Variants in SLC28A3 observed in about 807,000 individuals in gnomAD.
The protein encoded by SLC28A3 is concentrative Na(+)-nucleoside cotransporter 3.
Under a neutral mutation model 84.2 loss-of-function variants are expected in SLC28A3, and 68 were observed. The ratio of observed to expected loss-of-function variants is 0.81; its 90% CI spans 0.66 to 0.99. The LOEUF (loss-of-function observed/expected upper bound fraction) is 0.99. SLC28A3 is among the 50% of genes least tolerant of loss of function. The pLI, the probability that SLC28A3 is intolerant of heterozygous loss-of-function variation, is 0.00. For missense variants in SLC28A3, 712 were observed against 841.5 expected, an observed-to-expected ratio of 0.85 and a Z score of 1.90; for synonymous variants, 267 against 303.6, an observed-to-expected ratio of 0.88 and a Z score of 1.25.
intron 1 of SLC28A3, among the ~76,000 whole-genome samples, chr9:84,322,632 G>A (rs1032814713): frequency 6.6e-6 from 1 of 152,028 alleles, no homozygotes; most frequent in Non-Finnish European, 1.5e-5. Flanking sequence ...ATCATTTGAG[G>A]TCAGGAGTCC....
upstream of SLC28A3, chr9:84,340,784 A>C: frequency 1.6e-6 from 1 of 642,704 alleles, no homozygotes; most frequent in Non-Finnish European, 2.6e-6. Flanking sequence ...AATCTCCTGA[A>C]TGACTAGGGC....
chr9:84,299,530 C>T (rs1427243348), intron 6 of SLC28A3, 51 bp downstream of exon 6: 2 of 1,605,400 alleles, frequency 1.2e-6, no homozygotes, highest in Non-Finnish European at 1.7e-6. Context: ...GAGCAATTTA[C>T]ACATGGGGAG....
At chr9:84,315,413 A>C (rs964232077) in intron 1 of SLC28A3, among the ~76,000 whole-genome samples, 3 of 152,120 alleles carry the variant, frequency 2.0e-5, no homozygotes, top group African/African-American at 7.2e-5. Flanking sequence ...GACATTTTCT[A>C]ATTCTATTAG....
chr9:84,365,806 T>A, the SLC28A3 span, among the ~76,000 whole-genome samples: 1 of 152,224 alleles, frequency 6.6e-6, no homozygotes, highest in African/African-American at 2.4e-5. Flanking sequence ...ATCCCAGTAC[T>A]ATGGGAGGCT....
chr9:84,290,429 C>G, intron 10 of SLC28A3, 150 bp from the exon 11 acceptor site: 1 of 939,138 alleles, frequency 1.1e-6, no homozygotes, highest in Non-Finnish European at 1.5e-6. Flanking sequence ...CCTGGAAACT[C>G]GTTAGAAATG....
chr9:84,345,324 G>C (rs544426405), upstream of SLC28A3, among the ~76,000 whole-genome samples: 3 of 152,044 alleles, frequency 2.0e-5, no homozygotes, highest in Admixed American at 2.0e-4. Flanking sequence ...TTGAGAAATC[G>C]TTAGTTGGAA....
chr9:84,280,719 G>C, intron 15 of SLC28A3, 82 bp downstream of exon 15: 1 of 1,397,634 alleles, frequency 7.2e-7, no homozygotes, highest in Non-Finnish European at 1.0e-6. Flanking sequence ...TGTTTTTTCT[G>C]ACATAACAGT....
At chr9:84,362,257 T>C in the SLC28A3 span, among the ~76,000 whole-genome samples, 1 of 152,140 alleles carries the variant, frequency 6.6e-6, no homozygotes, top group Non-Finnish European at 1.5e-5. Context: ...GCTTCATCTG[T>C]TAATATTGAG....
rs758115535 is a variant in SLC28A3 at position 84,279,386 on chromosome 9, C to T, written c.1829-1G>A. Reference sequence around the variant, plus strand: ...TCCACAGGAGTGCTGGAGAGTATGCCTAGAAGTGGAACAGAGTCCCATTTA... The same window carrying T: ...TCCACAGGAGTGCTGGAGAGTATGCTTAGAAGTGGAACAGAGTCCCATTTA... On this transcript the variant is annotated splice_acceptor_variant, in intron 16 of 17. Transcript: ENST00000376238. LOFTEE classifies it high-confidence loss of function. The T allele has an allele frequency of 3.9e-6, 6 of 1,544,390 alleles. No homozygotes were observed. The highest frequency in any genetic ancestry group is 1.3e-5 in the South Asian group (1 of 76,142).
rs1418355056 is a variant in SLC28A3, at chr9:84,285,923, G to A, written c.1449+20C>T. 1.9e-6 allele frequency: 3 copies of A among 1,602,666 alleles called. No individual in the cohort carries two copies. In the African/African-American group the frequency reaches 4.0e-5, roughly 21 times the overall value. ...ATAGGCAGAAACAAAACAGAGGGCA[G>A]GGGCGTGATGTGATTATACCTCAAA... On this transcript the variant is annotated intron_variant, in intron 13 of 17. Transcript: ENST00000376238.
chr9:84,342,617 T>A (rs1381817349), upstream of SLC28A3, among the ~76,000 whole-genome samples: 1 of 151,042 alleles, frequency 6.6e-6, no homozygotes, highest in Non-Finnish European at 1.5e-5. Context: ...GGGGCCTCAC[T>A]ATGTTGCCCA....
At chr9:84,302,484 T>C in intron 4 of SLC28A3, 95 bp from the exon 5 acceptor site, 1 of 1,178,790 alleles carries the variant, frequency 8.5e-7, no homozygotes. Flanking sequence ...AGGGGAGGTT[T>C]AATATCATTA....
intron 1 of SLC28A3, 106 bp downstream of exon 1, chr9:84,340,468 A>G (rs961546529): frequency 1.7e-6 from 2 of 1,211,726 alleles, no homozygotes; most frequent in South Asian, 2.5e-5. Flanking sequence ...TAAAAATCGT[A>G]TTGTCCTGAT....
chr9:84,295,321 A>C (rs1825372561), intron 8 of SLC28A3, among the ~76,000 whole-genome samples: 1 of 152,184 alleles, frequency 6.6e-6, no homozygotes, highest in African/African-American at 2.4e-5. Context: ...TCGGTGGCTC[A>C]CACCTGTAAT....
the SLC28A3 span, among the ~76,000 whole-genome samples, chr9:84,354,872 AG>A: frequency 2.0e-5 from 3 of 151,868 alleles, no homozygotes; most frequent in South Asian, 6.2e-4. Flanking sequence ...GAAAAAAAAA[AG>A]AAAGAAAGAA....
chr9:84,310,489 G>A, intron 2 of SLC28A3: 10 of 985,428 alleles, frequency 1.0e-5, no homozygotes, highest in Non-Finnish European at 1.2e-5. Context: ...GGTGGGGGAG[G>A]AAATAGATGG....
intron 2 of SLC28A3, chr9:84,310,289 TTAA>T (rs1180538137): frequency 1.8e-6 from 1 of 557,262 alleles, no homozygotes; most frequent in African/African-American, 2.1e-5. Flanking sequence ...CTTGCTCTAA[TTAA>T]TTGAGTGTAG....
intron 11 of SLC28A3, chr9:84,289,867 T>C (rs1825143495): frequency 4.2e-6 from 1 of 236,484 alleles, no homozygotes; most frequent in Non-Finnish European, 8.3e-6. Flanking sequence ...AATAATTTTT[T>C]TTTTAACAGA....
At chr9:84,319,309 G>A (rs2118481463) in intron 1 of SLC28A3, among the ~76,000 whole-genome samples, 1 of 152,274 alleles carries the variant, frequency 6.6e-6, no homozygotes, top group African/African-American at 2.4e-5. Flanking sequence ...TGTTCCAAAT[G>A]CATTGATGTA....
Sources: allele counts gnomAD v4.1 joint callset (sites outside exome capture counted in the v4.1 genomes callset), GRCh38; gene constraint gnomAD v4.1.1; transcripts MANE v1.5; gene names NCBI Gene and HGNC (gene_info 2026-07-23, HGNC 2026-07-21).